The following AMH variants were observed in gnomAD, a reference collection of about 807,000 sequenced individuals.
The protein encoded by AMH is anti-Muellerian hormone.
In AMH, 39 loss-of-function variants were observed where a neutral mutation model predicts 33.3. The ratio of observed to expected loss-of-function variants is 1.17; its 90% CI spans 0.91 to 1.53. The LOEUF (loss-of-function observed/expected upper bound fraction) is 1.53, where lower values mean the gene tolerates loss of function less well. Ranked by LOEUF, AMH falls within the 40% of genes most tolerant of loss-of-function variation. The pLI, the probability that AMH is intolerant of heterozygous loss-of-function variation, is 0.00. For missense variants in AMH, 1,019 were observed against 799.8 expected (o/e 1.27, Z -3.30); for synonymous variants, 536 against 403.0 (o/e 1.33, Z -3.95).
rs1208149012 is a variant in AMH, at chr19:2,250,735, C to A, written c.639C>A (p.Ala213=). 1 of 1,537,182 alleles carries A rather than the reference C, an allele frequency of 6.5e-7. No individual in the cohort carries two copies. Among genetic ancestry groups the A allele is most frequent in the Non-Finnish European group, 8.7e-7 (1 of 1,147,586 alleles). The change falls in exon 3 of 5, where the codon GCC becomes GCA. Residue 213 remains alanine, a synonymous_variant. Transcript: ENST00000221496. ...GGGCCTGGCGCGGCTCCGGGCTGGC[C>A]TTGACCCTGCAGCCCCGCGGAGAGG... is the stretch of plus-strand genomic sequence containing the variant. ...PAGAWRGSGL[A]LTLQPRGEDS...
At chr19:2,250,226 C>A (rs941646729) in intron 1 of AMH, 111 bp from the exon 2 acceptor site, 3 of 1,506,866 alleles carry the variant, frequency 2.0e-6, no homozygotes, top group Non-Finnish European at 1.8e-6. Flanking sequence ...CACCCTTGTC[C>A]CCCGCTTGAG....
Position 2,252,035 on chromosome 19 carries a change from C to G in AMH, c.*78C>G. 1 of 1,514,648 alleles carries G rather than the reference C, an allele frequency of 6.6e-7. No homozygotes were observed. Among genetic ancestry groups the G allele is most frequent in the Non-Finnish European group, 8.8e-7 (1 of 1,132,478 alleles). 93.8% of individuals were successfully genotyped at this position (1,514,648 alleles called of 1,614,324 possible). On this transcript the variant is annotated 3_prime_UTR_variant, in exon 5 of 5. Coordinates refer to ENST00000221496, the MANE Select transcript of AMH (RefSeq NM_000479.5). ...CGCCCCTTCCCATATTTATTCGGAC[C>G]CCAAGCATCGCCCCAATAAAGACCA...
In AMH at chr19:2,251,538, C is replaced by A. The variant is rs1228676589; in HGVS notation, c.1264C>A (p.Leu422Met). The A allele has an allele frequency of 7.5e-7, 1 of 1,340,508 alleles. No homozygotes were observed. The highest frequency in any genetic ancestry group is 9.5e-7 in the Non-Finnish European group (1 of 1,048,104). The allele number at this position is 1,340,508 out of a possible 1,614,324, so 83.0% of individuals were successfully genotyped here. A position where few individuals can be genotyped will look rare whatever the true frequency, so the allele number is the denominator to read the frequency against. ...PGGPGGLGDP[L>M]RALLLLKALQ... is the part of the protein sequence containing the mutation. ...TGGCCCCGGCGGCCTCGGCGATCCC[C>A]TGCGAGCGCTGCTGCTCCTGAAGGC... The change falls in exon 5 of 5, where the codon CTG (leucine) becomes ATG (methionine). Residue 422 changes from leucine to methionine, a missense_variant. Leu to Met is a conservative substitution (Grantham distance 15). Transcript: ENST00000221496.
At position 2,251,521 on chromosome 19, in the gene AMH, G is replaced by C; in HGVS notation, c.1247G>C (p.Gly416Ala). 7.5e-7 allele frequency: 1 copy of C among 1,341,066 alleles called. No homozygotes were observed. Among genetic ancestry groups the C allele is most frequent in the Non-Finnish European group, 9.5e-7 (1 of 1,048,732 alleles). 83.1% of individuals were successfully genotyped at this position (1,341,066 alleles called of 1,614,324 possible). A position where few individuals can be genotyped will look rare whatever the true frequency, so the allele number is the denominator to read the frequency against. The change falls in exon 5 of 5, where the codon GGC (glycine) becomes GCC (alanine). Residue 416 changes from glycine (G) to alanine (A), a missense_variant. By Grantham distance (60) the Gly-to-Ala change is moderately conservative. Coordinates refer to ENST00000221496, the MANE Select transcript of AMH (RefSeq NM_000479.5). ...CTCGCGCTCTGCCCAGGTGGCCCCG[G>C]CGGCCTCGGCGATCCCCTGCGAGCG... ...RLLALCPGGP[G>A]GLGDPLRALL...
At chr19:2,250,085 G>T in intron 1 of AMH, 2 of 647,192 alleles carry the variant, frequency 3.1e-6, no homozygotes, top group East Asian at 2.7e-5. Flanking sequence ...TACTCCCTGC[G>T]GGGAAGGGGC....
In AMH at chr19:2,249,412, C is replaced by T; in HGVS notation, c.80C>T (p.Ala27Val). The T allele has an allele frequency of 2.5e-6, 4 of 1,595,982 alleles. No individual in the cohort carries two copies. The highest frequency in any genetic ancestry group is 1.1e-5 in the South Asian group (1 of 88,376). The change falls in exon 1 of 5, where the codon GCA (alanine) becomes GTA (valine). Residue 27 changes from alanine to valine, a missense_variant. Physicochemically the swap from Ala to Val is moderately conservative, Grantham distance 64. Coordinates refer to ENST00000221496, the MANE Select transcript of AMH (RefSeq NM_000479.5). Reference sequence around the variant, plus strand: ...CTGCTGGGGACTGAGGCCCTCAGAGCAGAGGAGCCAGCTGTGGGCACCAGT... The same window carrying T: ...CTGCTGGGGACTGAGGCCCTCAGAGTAGAGGAGCCAGCTGTGGGCACCAGT... ...GALLGTEALR[A>V]EEPAVGTSGL...
chr19:2,250,899 C>A lies in AMH; in HGVS notation c.715C>A (p.His239Asn). Reference sequence around the variant, plus strand: ...GCAGGCACTGCTGTTCGGCGACGACCACCGCTGCTTCACACGGATGACCCC... The same window carrying A: ...GCAGGCACTGCTGTTCGGCGACGACAACCGCTGCTTCACACGGATGACCCC... Reference protein sequence around the residue: ...RLQALLFGDDHRCFTRMTPAL... With the variant: ...RLQALLFGDDNRCFTRMTPAL... Residue 239 changes from histidine (H) to asparagine (N), a missense_variant, in exon 4 of 5, where the codon CAC becomes AAC. His to Asn is a moderately conservative substitution (Grantham distance 68, BLOSUM62 1). Coordinates refer to ENST00000221496, the MANE Select transcript of AMH (RefSeq NM_000479.5). 6.4e-7 allele frequency: 1 copy of A among 1,573,256 alleles called. No individual in the cohort carries two copies.
intron 1 of AMH, chr19:2,250,100 T>C (rs2025002363): frequency 1.5e-6 from 1 of 669,342 alleles, no homozygotes; most frequent in South Asian, 1.8e-5. Flanking sequence ...AGGGGCTTCA[T>C]CGGGCACCCC....
rs962080364 is a variant in AMH at position 2,251,215 on chromosome 19, C to A, written c.941C>A (p.Ala314Asp). The change falls in exon 5 of 5, where the codon GCC becomes GAC. Residue 314 changes from alanine to aspartate, a missense_variant. Ala to Asp is a moderately radical substitution (Grantham distance 126). Coordinates refer to ENST00000221496, the MANE Select transcript of AMH (RefSeq NM_000479.5). ...PPARASAPRLALDPDALAGFP... is the reference protein window; with the variant it reads ...PPARASAPRLDLDPDALAGFP... The stretch of plus-strand genomic sequence containing the variant: ...GCCCGGGCCTCCGCGCCGCGCCTGG[C>A]CCTGGATCCGGACGCGCTGGCCGGC... 1.3e-6 allele frequency: 2 copies of A among 1,502,728 alleles called. No individual in the cohort carries two copies. Among genetic ancestry groups the A allele is most frequent in the Admixed American group, 2.1e-5 (1 of 47,534 alleles). The allele number at this position is 1,502,728 out of a possible 1,614,324, so 93.1% of individuals were successfully genotyped here. A position where few individuals can be genotyped will look rare whatever the true frequency, so the allele number is the denominator to read the frequency against.
intron 1 of AMH, chr19:2,250,051 G>C (rs1336749919): frequency 1.6e-6 from 1 of 622,394 alleles, no homozygotes; most frequent in African/African-American, 1.8e-5. Context: ...GCCCCAGCCT[G>C]TTCTCAGGGC....
Position 2,251,420 on chromosome 19 carries a change from A to G in AMH, c.1146A>G (p.Glu382=). Residue 382 remains glutamate (E), a synonymous_variant, in exon 5 of 5, where the codon GAA becomes GAG. Transcript: ENST00000221496. ...ATALARRVAA[E]LQAAAAELRS... ...CCCTGGCGCGCCGCGTGGCTGCTGA[A>G]CTGCAAGCGGCGGCTGCCGAGCTGC... 6.9e-7 allele frequency: 1 copy of G among 1,443,664 alleles called. No individual in the cohort carries two copies. Among genetic ancestry groups the G allele is most frequent in the Non-Finnish European group, 9.1e-7 (1 of 1,103,948 alleles). The allele number at this position is 1,443,664 out of a possible 1,614,324, so 89.4% of individuals were successfully genotyped here.
At position 2,251,275 on chromosome 19, in the gene AMH, C is replaced by T. The variant is rs908417518; in HGVS notation, c.1001C>T (p.Ala334Val). The T allele has an allele frequency of 1.2e-5, 18 of 1,504,760 alleles. No individual in the cohort carries two copies. Among genetic ancestry groups the T allele is most frequent in the Non-Finnish European group, 1.4e-5 (16 of 1,134,594 alleles). The allele number at this position is 1,504,760 out of a possible 1,614,324, so 93.2% of individuals were successfully genotyped here. ...GGCCTAGTCAACCTGTCGGACCCCGCGGCGCTGGAGCGCCTACTCGACGGC... is the reference window on the plus strand; with the variant it reads ...GGCCTAGTCAACCTGTCGGACCCCGTGGCGCTGGAGCGCCTACTCGACGGC... ...PQGLVNLSDP[A>V]ALERLLDGEE... The change falls in exon 5 of 5, where the codon GCG becomes GTG. Residue 334 changes from alanine to valine, a missense_variant. Coordinates refer to ENST00000221496, the MANE Select transcript of AMH (RefSeq NM_000479.5).
rs1454779717 is a variant in AMH at position 2,251,649 on chromosome 19, G to A, written c.1375G>A (p.Asp459Asn). Reference protein sequence around the residue: ...AQRSAGATAADGPCALRELSV... With the variant: ...AQRSAGATAANGPCALRELSV... ...GCGCAGCGCGGGGGCCACCGCCGCC[G>A]ACGGGCCGTGCGCGCTGCGCGAGCT... is the stretch of plus-strand genomic sequence containing the variant. The change falls in exon 5 of 5, where the codon GAC becomes AAC. Residue 459 changes from aspartate (D) to asparagine (N), a missense_variant. Transcript: ENST00000221496. 6.3e-7 allele frequency: 1 copy of A among 1,598,202 alleles called. No homozygotes were observed. The highest frequency in any genetic ancestry group is 8.5e-7 in the Non-Finnish European group (1 of 1,174,560).
intron 1 of AMH, chr19:2,249,945 T>C (rs2145025760): frequency 2.9e-6 from 2 of 685,916 alleles, no homozygotes; most frequent in East Asian, 2.7e-5. Flanking sequence ...GCTCTTAGAC[T>C]TGCCCCTGCC....
chr19:2,251,508 C>A lies in AMH; in HGVS notation c.1234C>A (p.Pro412Thr), dbSNP rs1018390435. The change falls in exon 5 of 5, where the codon CCA becomes ACA. Residue 412 changes from proline to threonine, a missense_variant. Transcript: ENST00000221496. ...GCTGGCGCGCCTGCTCGCGCTCTGC[C>A]CAGGTGGCCCCGGCGGCCTCGGCGA... is the stretch of plus-strand genomic sequence containing the variant. Reference protein sequence around the residue: ...PLLARLLALCPGGPGGLGDPL... With the variant: ...PLLARLLALCTGGPGGLGDPL... 1.5e-6 allele frequency: 2 copies of A among 1,366,758 alleles called. No homozygotes were observed. Among genetic ancestry groups the A allele is most frequent in the Admixed American group, 3.5e-5 (1 of 28,846 alleles). 84.7% of individuals were successfully genotyped at this position (1,366,758 alleles called of 1,614,324 possible).
rs2025041349 is a variant in AMH, at chr19:2,251,434, CT to C, written c.1161del (p.Ala388ProfsTer41). ...GTGGCTGCTGAACTGCAAGCGGCGG[CT>C]GCCGAGCTGCGAAGCCTCCCGGGTC... is the stretch of plus-strand genomic sequence containing the variant. ...RRVAAELQAA[A>X]AELRSLPGLP... On this transcript the variant is annotated frameshift_variant, in exon 5 of 5. Coordinates refer to ENST00000221496, the MANE Select transcript of AMH (RefSeq NM_000479.5). LOFTEE classifies it low-confidence loss of function (END_TRUNC). 2.1e-6 allele frequency: 3 copies of C among 1,438,892 alleles called. No homozygotes were observed. The East Asian group carries it at 9.2e-5, about 44-fold the overall frequency. The allele number at this position is 1,438,892 out of a possible 1,614,324, so 89.1% of individuals were successfully genotyped here. A position where few individuals can be genotyped will look rare whatever the true frequency, so the allele number is the denominator to read the frequency against.
intron 1 of AMH, 60 bp from the exon 2 acceptor site, chr19:2,250,277 A>G: frequency 1.3e-6 from 2 of 1,549,780 alleles, no homozygotes; most frequent in South Asian, 1.2e-5. Flanking sequence ...ACAGATCCCA[A>G]AGATTCCCGG....
rs769350289 is a variant in AMH at position 2,251,124 on chromosome 19, C to G, written c.850C>G (p.Pro284Ala). The change falls in exon 5 of 5, where the codon CCA becomes GCA. Residue 284 changes from proline to alanine, a missense_variant. Coordinates refer to ENST00000221496, the MANE Select transcript of AMH (RefSeq NM_000479.5). The stretch of plus-strand genomic sequence containing the variant: ...GCCATCCGCGGAACTCGAGGAGTCG[C>G]CACCCAGCGCAGACCCCTTCCTGGA... The part of the protein sequence containing the change: ...PRPSAELEES[P>A]PSADPFLETL... The G allele has an allele frequency of 1.8e-5, 28 of 1,540,682 alleles. No homozygotes were observed. Among genetic ancestry groups the G allele is most frequent in the Non-Finnish European group, 2.3e-5 (26 of 1,150,458 alleles).
chr19:2,251,224 C>T lies in AMH; in HGVS notation c.950C>T (p.Pro317Leu), dbSNP rs566806768. Residue 317 changes from proline to leucine, a missense_variant, in exon 5 of 5, where the codon CCG becomes CTG. Pro to Leu is a moderately conservative substitution (Grantham distance 98, BLOSUM62 -3). Coordinates refer to ENST00000221496, the MANE Select transcript of AMH (RefSeq NM_000479.5). Reference protein sequence around the residue: ...RASAPRLALDPDALAGFPQGL... With the variant: ...RASAPRLALDLDALAGFPQGL... ...TCCGCGCCGCGCCTGGCCCTGGATC[C>T]GGACGCGCTGGCCGGCTTCCCGCAG... The T allele has an allele frequency of 3.3e-6, 5 of 1,502,466 alleles. No individual in the cohort carries two copies. The highest frequency in any genetic ancestry group is 2.5e-5 in the South Asian group (2 of 80,482). The allele number at this position is 1,502,466 out of a possible 1,614,324, so 93.1% of individuals were successfully genotyped here. A position where few individuals can be genotyped will look rare whatever the true frequency, so the allele number is the denominator to read the frequency against.
Sources: allele counts gnomAD v4.1 joint callset, GRCh38; gene constraint gnomAD v4.1.1; transcripts MANE v1.5; gene names NCBI Gene and HGNC (gene_info 2026-07-23, HGNC 2026-07-21).